The following SCTR variants were observed in gnomAD, a reference collection of about 807,000 sequenced individuals.
The protein encoded by SCTR is pancreatic secretin receptor.
Under a neutral mutation model 60.8 loss-of-function variants are expected in SCTR, and 56 were observed. The observed-to-expected ratio is 0.92, with a 90% CI of 0.74 to 1.15. SCTR has a LOEUF of 1.15. Ranked by LOEUF, SCTR falls within the 50% of genes most tolerant of loss-of-function variation. The probability of loss-of-function intolerance (pLI) is 0.00; values close to 1 mark genes in which losing one functional copy is unlikely to be tolerated. For missense variants in SCTR, 562 were observed against 550.4 expected (o/e 1.02, Z -0.21); for synonymous variants, 202 against 217.0 (o/e 0.93, Z 0.61).
At chr2:119,458,425 C>A (rs1210105595) in intron 7 of SCTR, among the ~76,000 whole-genome samples, 1 of 151,628 alleles carries the variant, frequency 6.6e-6, no homozygotes, top group African/African-American at 2.4e-5. Context: ...CACAGTGAAA[C>A]CCCGTCTCCA....
intron 1 of SCTR, among the ~76,000 whole-genome samples, chr2:119,522,721 G>A (rs1171061344): frequency 1.3e-5 from 2 of 152,166 alleles, no homozygotes; most frequent in Non-Finnish European, 2.9e-5. Flanking sequence ...TAAGAAGGAG[G>A]CTGGGAGGGT....
chr2:119,470,165 T>C (rs762346113), intron 4 of SCTR, among the ~76,000 whole-genome samples: 1 of 152,192 alleles, frequency 6.6e-6, no homozygotes, highest in Non-Finnish European at 1.5e-5. Context: ...CCATTTTATT[T>C]ACCCATGTGA....
At chr2:119,462,924 T>C (rs988537608) in intron 6 of SCTR, among the ~76,000 whole-genome samples, 4 of 152,212 alleles carry the variant, frequency 2.6e-5, no homozygotes, top group Non-Finnish European at 4.4e-5. Context: ...TTGCTGGCCT[T>C]GTCCACTGCT....
intron 2 of SCTR, among the ~76,000 whole-genome samples, chr2:119,491,037 G>A (rs1400886240): frequency 6.6e-6 from 1 of 152,178 alleles, no homozygotes; most frequent in Non-Finnish European, 1.5e-5. Flanking sequence ...TCGGTTCCCA[G>A]TCCTACAGAT....
intron 3 of SCTR, among the ~76,000 whole-genome samples, chr2:119,475,743 G>C (rs1050735512): frequency 6.8e-6 from 1 of 147,568 alleles, no homozygotes; most frequent in African/African-American, 2.5e-5. Flanking sequence ...TAGATATATA[G>C]ATATATATTT....
chr2:119,470,990 T>C (rs1159013358), intron 4 of SCTR, among the ~76,000 whole-genome samples: 1 of 152,210 alleles, frequency 6.6e-6, no homozygotes, highest in East Asian at 1.9e-4. Flanking sequence ...CATGAGCCAC[T>C]GTGCCTGGCC....
chr2:119,521,470 T>C (rs1440584779), intron 1 of SCTR, among the ~76,000 whole-genome samples: 1 of 152,088 alleles, frequency 6.6e-6, no homozygotes, highest in Non-Finnish European at 1.5e-5. Context: ...GGGACAGATG[T>C]GTTAGTAAAT....
intron 3 of SCTR, among the ~76,000 whole-genome samples, chr2:119,473,946 G>A (rs1222844227): frequency 6.6e-6 from 1 of 152,176 alleles, no homozygotes; most frequent in Non-Finnish European, 1.5e-5. Context: ...CCTGCTCCAT[G>A]GAAGTTCTGT....
chr2:119,494,392 C>T lies in SCTR; in HGVS notation c.193+36G>A, dbSNP rs767143325. On this transcript the variant is annotated intron_variant, in intron 2 of 12. Coordinates refer to ENST00000019103, the MANE Select transcript of SCTR (RefSeq NM_002980.3). Reference sequence around the variant, plus strand: ...CCAGCAGGACCGGACATGCTCCACCCCCAAGAGAGGACATGGGCTGTGGCA... The same window carrying T: ...CCAGCAGGACCGGACATGCTCCACCTCCAAGAGAGGACATGGGCTGTGGCA... The T allele has an allele frequency of 1.7e-5, 27 of 1,608,520 alleles. No homozygotes were observed. The South Asian group carries it at 2.7e-4, about 16-fold the overall frequency.
At chr2:119,444,356 AATAT>A (rs1558831051) in intron 11 of SCTR, among the ~76,000 whole-genome samples, 1 of 5,292 alleles carries the variant, frequency 1.9e-4, no homozygotes, top group Non-Finnish European at 6.9e-4. Flanking sequence ...TATACGTATG[AATAT>A]ATATACACAT....
intron 1 of SCTR, among the ~76,000 whole-genome samples, chr2:119,501,578 T>G (rs533828241): frequency 6.6e-6 from 1 of 152,136 alleles, no homozygotes; most frequent in Non-Finnish European, 1.5e-5. Flanking sequence ...AGGGAGATGA[T>G]AGTTAGCAAT....
In SCTR at chr2:119,461,904, C is replaced by T. The variant is rs139132516; in HGVS notation, c.733G>A (p.Ala245Thr). The T allele has an allele frequency of 1.4e-3, 2,211 of 1,613,776 alleles. 2 individuals carry two copies. Among genetic ancestry groups the T allele is most frequent in the Non-Finnish European group, 1.8e-3 (2,104 of 1,179,898 alleles). ...VEGLYLHTLLAISFFSERKYL... is the reference protein window; with the variant it reads ...VEGLYLHTLLTISFFSERKYL... The stretch of plus-strand genomic sequence containing the variant: ...TTTCTTTCAGAGAAGAAGGAGATGG[C>T]GAGGAGTGTGTGAAGGTAGAGGCCT... Residue 245 changes from alanine (A) to threonine (T), a missense_variant, in exon 7 of 13, where the codon GCC becomes ACC. Coordinates refer to ENST00000019103, the MANE Select transcript of SCTR (RefSeq NM_002980.3).
chr2:119,480,069 T>C (rs979575181), intron 2 of SCTR, among the ~76,000 whole-genome samples: 1 of 152,248 alleles, frequency 6.6e-6, no homozygotes, highest in Non-Finnish European at 1.5e-5. Context: ...ATAGGCACAA[T>C]AATTATTGTC....
chr2:119,458,600 C>CAA (rs35957538), intron 7 of SCTR, among the ~76,000 whole-genome samples: 1 of 134,630 alleles, frequency 7.4e-6, no homozygotes, highest in Non-Finnish European at 1.7e-5. Flanking sequence ...GACTCTCTCT[C>CAA]AAAAAAAAAA....
chr2:119,446,918 TG>T (rs2104761029), intron 10 of SCTR, 33 bp from the exon 11 acceptor site: 1 of 1,425,442 alleles, frequency 7.0e-7, no homozygotes, highest in East Asian at 2.6e-5. Context: ...GCCTCCACTC[TG>T]CCTCCCTGCG....
intron 1 of SCTR, among the ~76,000 whole-genome samples, chr2:119,498,669 A>G (rs2104911866): frequency 1.3e-5 from 2 of 152,242 alleles, no homozygotes; most frequent in South Asian, 4.1e-4. Flanking sequence ...GTAGCCTATT[A>G]TAAGTTATGT....
chr2:119,448,848 T>C lies in SCTR; in HGVS notation c.922-68A>G, dbSNP rs76337390. ...TTTCCAGCCACCTCTCCTGGCCCTG[T>C]CCCCTGGACCTGAGGGCAGAGAAGA... On this transcript the variant is annotated intron_variant, in intron 9 of 12. Transcript: ENST00000019103. 7,150 of 846,566 alleles carry C rather than the reference T, an allele frequency of 8.4e-3. 351 individuals are homozygous for C. In the African/African-American group the frequency reaches 0.11, roughly 13 times the overall value. The allele number at this position is 846,566 out of a possible 1,614,324, so 52.4% of individuals were successfully genotyped here.
intron 4 of SCTR, among the ~76,000 whole-genome samples, chr2:119,466,734 G>A (rs970652641): frequency 5.3e-5 from 8 of 151,864 alleles, no homozygotes; most frequent in Non-Finnish European, 1.5e-5. Context: ...CTGGATGACA[G>A]AGTAAGACCC....
At chr2:119,464,027 C>T in intron 6 of SCTR, 96 bp downstream of exon 6, 2 of 1,338,660 alleles carry the variant, frequency 1.5e-6, no homozygotes, top group Non-Finnish European at 2.1e-6. Context: ...TCAGCAGGGG[C>T]TTGGGGGAAG....
Sources: gnomAD v4.1 joint callset for allele counts (sites outside exome capture counted in the v4.1 genomes callset) on GRCh38, gnomAD v4.1.1 for gene constraint, MANE v1.5 for transcripts, NCBI Gene and HGNC (gene_info 2026-07-23, HGNC 2026-07-21) for gene names.